The following CCBE1 variants were observed in gnomAD, a reference collection of about 807,000 sequenced individuals.
The protein encoded by CCBE1 is collagen and calcium-binding EGF domain-containing protein 1.
Under a neutral mutation model 50.0 loss-of-function variants are expected in CCBE1, and 37 were observed. The ratio of observed to expected loss-of-function variants is 0.74; its 90% CI spans 0.57 to 0.97. The LOEUF is 0.97. CCBE1 is among the 50% of genes least tolerant of loss of function. The probability of loss-of-function intolerance (pLI) is 0.00; values close to 1 mark genes in which losing one functional copy is unlikely to be tolerated. For missense variants in CCBE1, 538 were observed against 523.8 expected (o/e 1.03, Z -0.26); for synonymous variants, 234 against 203.7 (o/e 1.15, Z -1.27).
intron 2 of CCBE1, among the ~76,000 whole-genome samples, chr18:59,498,587 G>T (rs1000040926): frequency 2.0e-5 from 3 of 152,202 alleles, no homozygotes; most frequent in African/African-American, 7.2e-5. Context: ...GAAACCATCT[G>T]TACCAGACAG....
At chr18:59,656,236 GT>G (rs1568257070) in intron 2 of CCBE1, among the ~76,000 whole-genome samples, 1 of 152,178 alleles carries the variant, frequency 6.6e-6, no homozygotes, top group African/African-American at 2.4e-5. Context: ...ATAGGATGGG[GT>G]AAGATTTCTG....
intron 2 of CCBE1, among the ~76,000 whole-genome samples, chr18:59,482,725 C>T (rs1050060827): frequency 5.3e-5 from 8 of 151,920 alleles, no homozygotes; most frequent in Non-Finnish European, 8.8e-5. Flanking sequence ...CTAATGTTCC[C>T]TTTGTCTCAT....
intron 2 of CCBE1, among the ~76,000 whole-genome samples, chr18:59,483,278 G>A (rs1479678953): frequency 6.6e-6 from 1 of 152,102 alleles, no homozygotes; most frequent in Non-Finnish European, 1.5e-5. Context: ...TTCTACTCTT[G>A]CAAATTAGTA....
At chr18:59,606,406 A>C (rs9955351) in intron 2 of CCBE1, among the ~76,000 whole-genome samples, 4,902 of 152,256 alleles carry the variant, frequency 0.032, 228 homozygotes, top group African/African-American at 0.1. Flanking sequence ...ACTTTCCCCC[A>C]ACTTTTGTTT....
At chr18:59,529,468 G>A (rs1188155645) in intron 2 of CCBE1, among the ~76,000 whole-genome samples, 1 of 152,240 alleles carries the variant, frequency 6.6e-6, no homozygotes, top group African/African-American at 2.4e-5. Context: ...CTGTGCTTGG[G>A]ACCCAAGGCC....
chr18:59,696,610 G>A lies in CCBE1; in HGVS notation c.212+19C>T. ...CCCGGTGCGCAGTGGCGAACAGCCC[G>A]CAGAGCCCCCAGGCTTACCTGTAGC... On this transcript the variant is annotated intron_variant, in intron 2 of 10. Coordinates refer to ENST00000439986, the MANE Select transcript of CCBE1 (RefSeq NM_133459.4). 2 of 1,613,186 alleles carry A rather than the reference G, an allele frequency of 1.2e-6. No individual in the cohort carries two copies. The highest frequency in any genetic ancestry group is 1.7e-6 in the Non-Finnish European group (2 of 1,179,860).
At chr18:59,622,418 C>T (rs1341381246) in intron 2 of CCBE1, among the ~76,000 whole-genome samples, 5 of 151,734 alleles carry the variant, frequency 3.3e-5, no homozygotes, top group Admixed American at 2.6e-4. Context: ...GTAGGAGAAT[C>T]GCTTGAACCC....
chr18:59,458,976 A>C (rs564374348), intron 5 of CCBE1: 1 of 152,348 alleles, frequency 6.6e-6, no homozygotes, highest in Non-Finnish European at 1.5e-5. Flanking sequence ...GCTGCTAACT[A>C]GTACCTTTTA....
At chr18:59,538,920 G>A (rs1219427169) in intron 2 of CCBE1, among the ~76,000 whole-genome samples, 2 of 152,222 alleles carry the variant, frequency 1.3e-5, no homozygotes, top group Admixed American at 6.5e-5. Context: ...GCTCCCACCT[G>A]TAATCCCAGC....
At chr18:59,649,466 T>C (rs988264930) in intron 2 of CCBE1, among the ~76,000 whole-genome samples, 1 of 152,224 alleles carries the variant, frequency 6.6e-6, no homozygotes, top group African/African-American at 2.4e-5. Context: ...CGTGTAATGA[T>C]AGCAGCTCTT....
intron 2 of CCBE1, among the ~76,000 whole-genome samples, chr18:59,543,545 G>A (rs1915551847): frequency 6.6e-6 from 1 of 152,090 alleles, no homozygotes; most frequent in South Asian, 2.1e-4. Context: ...GCCGCGAGAG[G>A]CCCCGAGAGG....
rs189967807 is a variant in CCBE1 at position 59,457,563 on chromosome 18, A to G, written c.554-2612T>C. 5.0e-3 allele frequency among the ~76,000 whole-genome samples: 767 copies of G among 152,264 alleles called. 2 individuals carry two copies. The highest frequency in any genetic ancestry group is 8.3e-3 in the Non-Finnish European group (567 of 68,024). ...CTTGGTTGTAGGTAGATGGGAGGCG[A>G]TGCCCAGCAGTTTTCAGGCCCACCA... On this transcript the variant is annotated intron_variant, in intron 5 of 10. Transcript: ENST00000439986.
chr18:59,662,825 G>A (rs756501252), intron 2 of CCBE1, among the ~76,000 whole-genome samples: 1 of 152,168 alleles, frequency 6.6e-6, no homozygotes, highest in Non-Finnish European at 1.5e-5. Flanking sequence ...CTAAAATCCT[G>A]TGCAAACATA....
At position 59,507,179 on chromosome 18, in the gene CCBE1, ATCC is replaced by A. The variant is rs1212314156; in HGVS notation, c.213-26944_213-26942del. 2.0e-5 allele frequency among the ~76,000 whole-genome samples: 3 copies of A among 152,124 alleles called. No homozygotes were observed. The South Asian group carries it at 6.2e-4, about 32-fold the overall frequency. On this transcript the variant is annotated intron_variant, in intron 2 of 10. Transcript: ENST00000439986. Reference sequence around the variant, plus strand: ...ACCATATCTTCTTTCCAAAACCAACATCCTCCTTGCAATTGCTCATCTCATTCC... The same window carrying A: ...ACCATATCTTCTTTCCAAAACCAACATCCTTGCAATTGCTCATCTCATTCC...
At chr18:59,613,976 C>T (rs139908265) in intron 2 of CCBE1, among the ~76,000 whole-genome samples, 6 of 146,600 alleles carry the variant, frequency 4.1e-5, no homozygotes, top group Admixed American at 3.7e-4. Flanking sequence ...CTGGTCCATG[C>T]GATTCTCGTT....
At position 59,438,111 on chromosome 18, in the gene CCBE1, T is replaced by C; in HGVS notation, c.987A>G (p.Pro329=). ...ERGAPGPRGS[P]GPPGSFDFLL... ...AAGCAGGACACAGAGTGCTACTTAC[T>C]GGAGACCCTCTGGGCCCAGGCGCTC... Residue 329 remains proline (P), a splice_region_variant and synonymous_variant, in exon 10 of 11, where the codon CCA becomes CCG. Transcript: ENST00000439986. The C allele has an allele frequency of 1.2e-6, 2 of 1,614,094 alleles. No homozygotes were observed. The highest frequency in any genetic ancestry group is 2.2e-5 in the South Asian group (2 of 91,064).
intron 2 of CCBE1, among the ~76,000 whole-genome samples, chr18:59,662,440 C>T (rs1037484273): frequency 1.3e-5 from 2 of 152,204 alleles, no homozygotes; most frequent in Admixed American, 6.5e-5. Context: ...AGACCAGTTA[C>T]ACTTTGTCAT....
At position 59,548,846 on chromosome 18, in the gene CCBE1, TG is replaced by T. The variant is rs1267026254; in HGVS notation, c.213-68609del. On this transcript the variant is annotated intron_variant, in intron 2 of 10. Coordinates refer to ENST00000439986, the MANE Select transcript of CCBE1 (RefSeq NM_133459.4). ...AATACTGTATGCAATTGTAACACAA[TG>T]GTAAGTATTTGTGCATCTAAACATA... 2.0e-5 allele frequency among the ~76,000 whole-genome samples: 3 copies of T among 152,176 alleles called. No homozygotes were observed. The East Asian group carries it at 5.8e-4, about 29-fold the overall frequency.
intron 6 of CCBE1, among the ~76,000 whole-genome samples, chr18:59,453,688 A>T (rs1227143339): frequency 6.6e-6 from 1 of 152,176 alleles, no homozygotes; most frequent in East Asian, 1.9e-4. Flanking sequence ...GAATCACTGG[A>T]TGCCAAAGTT....
Sources: gnomAD v4.1 joint callset for allele counts (sites outside exome capture counted in the v4.1 genomes callset) on GRCh38, gnomAD v4.1.1 for gene constraint, MANE v1.5 for transcripts, NCBI Gene and HGNC (gene_info 2026-07-23, HGNC 2026-07-21) for gene names.